The following DMD variants were observed in gnomAD, a reference collection of about 807,000 sequenced individuals.
DMD encodes dystrophin, also known as mutant dystrophin.
DMD carries 63 observed loss-of-function variants against 330.1 expected under a neutral mutation model. The ratio of observed to expected loss-of-function variants is 0.19; its 90% CI spans 0.16 to 0.24. DMD has a LOEUF of 0.24. DMD is among the 10% of genes least tolerant of loss of function. DMD has a pLI of 1.00. For missense variants in DMD, 3,344 were observed against 2,684.1 expected (o/e 1.25, Z -5.43); for synonymous variants, 1,223 against 959.8 (o/e 1.27, Z -5.07).
chrX:33,161,064 G>A (rs929174141), intron 1 of DMD, among the ~76,000 whole-genome samples: 10 of 111,530 alleles, frequency 9.0e-5, no homozygotes, highest in African/African-American at 2.6e-4. Flanking sequence ...TATGAAATAC[G>A]TCACGTATCT....
chrX:32,167,973 C>A, intron 44 of DMD, among the ~76,000 whole-genome samples: 1 of 112,389 alleles, frequency 8.9e-6, no homozygotes, highest in East Asian at 2.8e-4. Flanking sequence ...TGTACATTTT[C>A]ATTAAAAAGA....
At position 31,658,094 on chromosome X, in the gene DMD, A is replaced by T. The variant is rs200170279; in HGVS notation, c.7923T>A (p.Asn2641Lys). The stretch of plus-strand genomic sequence containing the variant: ...CCCGGAGAAGTTTCAGGGCCAAGTC[A>T]TTTGCCACATCTACATTTGTCTGCC... ...RQWQTNVDVA[N>K]DLALKLLRDY... The change falls in exon 54 of 79, where the codon AAT becomes AAA. Residue 2641 changes from asparagine to lysine, a missense_variant. Physicochemically the swap from Asn to Lys is moderately conservative, Grantham distance 94. Coordinates refer to ENST00000357033, the MANE Select transcript of DMD (RefSeq NM_004006.3). The T allele has an allele frequency of 8.3e-7, 1 of 1,211,708 alleles. No individual in the cohort carries two copies. Among genetic ancestry groups the T allele is most frequent in the East Asian group, 3.0e-5 (1 of 33,861 alleles).
chrX:33,071,450 C>T (rs937994419), intron 1 of DMD, among the ~76,000 whole-genome samples: 1 of 100,081 alleles, frequency 1.0e-5, no homozygotes, highest in Non-Finnish European at 2.0e-5. Flanking sequence ...AAAGGATATA[C>T]AAATATCCAG....
chrX:31,903,000 T>G (rs1369741889), intron 47 of DMD, among the ~76,000 whole-genome samples: 1 of 111,537 alleles, frequency 9.0e-6, no homozygotes, highest in Non-Finnish European at 1.9e-5. Context: ...CAATTGTCCC[T>G]ATTATGACAC....
intron 17 of DMD, among the ~76,000 whole-genome samples, chrX:32,534,487 C>T (rs1228030958): frequency 2.7e-5 from 3 of 111,554 alleles, no homozygotes; most frequent in Non-Finnish European, 5.7e-5. Flanking sequence ...TCCCCTTTGC[C>T]TTCCATCATG....
At chrX:31,556,430 C>T (rs1200290859) in intron 55 of DMD, among the ~76,000 whole-genome samples, 1 of 104,615 alleles carries the variant, frequency 9.6e-6, no homozygotes, top group Non-Finnish European at 1.9e-5. Flanking sequence ...AAAAACACCT[C>T]GGAGTTGATG....
intron 49 of DMD, among the ~76,000 whole-genome samples, chrX:31,833,273 G>GGAGAGAGAGAGA (rs1248049970): frequency 2.2e-4 from 11 of 49,837 alleles, no homozygotes; most frequent in South Asian, 9.3e-4. Context: ...GGAGGAAGGG[G>GGAGAGAGAGAGA]GAGAGAGAGA....
At chrX:32,149,356 A>G (rs752294473) in intron 44 of DMD, among the ~76,000 whole-genome samples, 1 of 112,119 alleles carries the variant, frequency 8.9e-6, no homozygotes, top group Admixed American at 9.5e-5. Context: ...AACAGCTAAT[A>G]TTTAATGAGC....
intron 44 of DMD, among the ~76,000 whole-genome samples, chrX:32,084,071 A>T (rs1359274792): frequency 9.0e-6 from 1 of 111,239 alleles, no homozygotes; most frequent in African/African-American, 3.3e-5. Context: ...TTTTGTCAAG[A>T]TTTTTTTTTA....
chrX:31,725,165 C>G (rs2085923730), intron 52 of DMD, among the ~76,000 whole-genome samples: 1 of 111,317 alleles, frequency 9.0e-6, no homozygotes, highest in South Asian at 3.8e-4. Context: ...TGTCATCTTC[C>G]TAAGACCCTA....
Position 33,020,172 on chromosome X carries a change from T to A in DMD, c.60A>T (p.Thr20=), listed in dbSNP as rs771449240. 2 of 1,190,614 alleles carry A rather than the reference T, an allele frequency of 1.7e-6. No homozygotes were observed. Among genetic ancestry groups the A allele is most frequent in the Non-Finnish European group, 2.3e-6 (2 of 879,680 alleles). The change falls in exon 2 of 79, where the codon ACA becomes ACT. Residue 20 remains threonine, a synonymous_variant. Transcript: ENST00000357033. ...ATTGTGCATTTACCCATTTTGTGAA[T>A]GTTTTCTTTTGAACATCTTCTCTTT... ...CYEREDVQKK[T]FTKWVNAQFS... is the part of the protein sequence containing the mutation.
intron 60 of DMD, among the ~76,000 whole-genome samples, chrX:31,399,675 A>AT (rs1404936078): frequency 2.7e-5 from 3 of 111,224 alleles, no homozygotes; most frequent in Non-Finnish European, 3.8e-5. Flanking sequence ...GCTATAGAAG[A>AT]TTTTTTTAAT....
At chrX:33,236,939 C>T (rs761964374) in intron 1 of DMD, among the ~76,000 whole-genome samples, 1 of 111,312 alleles carries the variant, frequency 9.0e-6, no homozygotes, top group East Asian at 2.8e-4. Context: ...CCCCATCCAA[C>T]TGTGACAGAG....
chrX:31,163,738 T>C (rs925221722), intron 74 of DMD, among the ~76,000 whole-genome samples: 25 of 111,703 alleles, frequency 2.2e-4, no homozygotes, highest in African/African-American at 7.8e-4. Context: ...TCCCTAACCC[T>C]TCTCTCTCCT....
At chrX:31,339,484 G>A (rs1217605840) in intron 61 of DMD, among the ~76,000 whole-genome samples, 1 of 111,833 alleles carries the variant, frequency 8.9e-6, no homozygotes, top group Non-Finnish European at 1.9e-5. Flanking sequence ...ATTTCACCCT[G>A]AGATTTTACT....
intron 34 of DMD, among the ~76,000 whole-genome samples, chrX:32,375,012 G>A (rs190539168): frequency 1.8e-5 from 2 of 111,657 alleles, no homozygotes; most frequent in East Asian, 5.6e-4. Flanking sequence ...GTGACTTACA[G>A]ATCTGTCCTC....
At chrX:32,866,423 T>C (rs926303970) in intron 2 of DMD, among the ~76,000 whole-genome samples, 5 of 111,974 alleles carry the variant, frequency 4.5e-5, no homozygotes, top group Middle Eastern at 4.6e-3. Context: ...ACAGAAGATG[T>C]CTGAAAAATT....
At chrX:31,262,618 G>C (rs1012483874) in intron 62 of DMD, among the ~76,000 whole-genome samples, 1 of 112,555 alleles carries the variant, frequency 8.9e-6, no homozygotes, top group Non-Finnish European at 1.9e-5. Flanking sequence ...CTTTTCCATA[G>C]AGACAACTCA....
At position 31,456,876 on chromosome X, in the gene DMD, G is replaced by GTGTGTGTGTATATA. The variant is rs752346201; in HGVS notation, c.8938-12250_8938-12249insTATATACACACACA. Among the ~76,000 whole-genome samples the GTGTGTGTGTATATA allele has an allele frequency of 2.3e-4, 16 of 68,723 alleles. No homozygotes were observed. The East Asian group carries it at 2.6e-3, about 11-fold the overall frequency. 59.7% of individuals were successfully genotyped at this position (68,723 alleles called of 115,157 possible). ...TGTGTGTGTGTGTGTGTGTGTGTGT[G>GTGTGTGTGTATATA]TATATATATATATATTATATACCTA... On this transcript the variant is annotated intron_variant, in intron 59 of 78. Transcript: ENST00000357033.
Sources: gnomAD v4.1 joint callset for allele counts (sites outside exome capture counted in the v4.1 genomes callset) on GRCh38, gnomAD v4.1.1 for gene constraint, MANE v1.5 for transcripts, NCBI Gene and HGNC (gene_info 2026-07-23, HGNC 2026-07-21) for gene names.